ARPP21: variants seen among roughly 807,000 people sequenced by gnomAD.
The protein encoded by ARPP21 is cAMP-regulated phosphoprotein 21.
Under a neutral mutation model 113.2 loss-of-function variants are expected in ARPP21, and 69 were observed. The observed-to-expected ratio is 0.61, with a 90% CI of 0.50 to 0.74. The LOEUF (loss-of-function observed/expected upper bound fraction) is 0.74. Ranked by LOEUF, ARPP21 falls within the 30% of genes least tolerant of loss-of-function variation. ARPP21 has a pLI of 0.00. For synonymous variants in ARPP21, 368 were observed against 375.5 expected (o/e 0.98, Z 0.23); for missense variants, 1,070 against 1,037.4 (o/e 1.03, Z -0.43).
chr3:35,710,542 AACACACACACACACACACAC>A (rs3086903), intron 11 of ARPP21, among the ~76,000 whole-genome samples: 1 of 132,864 alleles, frequency 7.5e-6, no homozygotes, highest in Admixed American at 8.0e-5. Flanking sequence ...CTCTCTCTCA[AACACACACACACACACACAC>A]ACACACACAC....
At position 35,722,836 on chromosome 3, in the gene ARPP21, T is replaced by C. The variant is rs76009443; in HGVS notation, c.1225+1002T>C. 5.8e-3 allele frequency among the ~76,000 whole-genome samples: 884 copies of C among 152,312 alleles called. 10 individuals are homozygous for C. Among genetic ancestry groups the C allele is most frequent in the African/African-American group, 0.021 (861 of 41,568 alleles). On this transcript the variant is annotated intron_variant, in intron 14 of 20. Transcript: ENST00000684406. ...TCTAGCTCTTCTGTCTCCCAAAGAT[T>C]ATTCACTATTGTTTTTGATTATTTT...
At chr3:35,701,769 G>T (rs2086500867) in intron 9 of ARPP21, among the ~76,000 whole-genome samples, 1 of 151,278 alleles carries the variant, frequency 6.6e-6, no homozygotes, top group South Asian at 2.1e-4. Context: ...TGACAGGGTA[G>T]GAGTGGTTGA....
rs73059238 is a variant in ARPP21 at position 35,702,712 on chromosome 3, G to A, written c.687-4262G>A. Among the ~76,000 whole-genome samples the A allele has an allele frequency of 7.5e-3, 1,140 of 151,772 alleles. 6 individuals carry two copies. The highest frequency in any genetic ancestry group is 0.011 in the Non-Finnish European group (769 of 67,764). On this transcript the variant is annotated intron_variant, in intron 9 of 20. Transcript: ENST00000684406. ...GCTAATAAAGAACATTGGCTACTTA[G>A]CACTGCACATATTAAGTTTATAAGG...
intron 11 of ARPP21, among the ~76,000 whole-genome samples, chr3:35,710,489 A>G (rs1421106025): frequency 6.0e-5 from 9 of 151,204 alleles, no homozygotes; most frequent in African/African-American, 2.2e-4. Context: ...TTTTTTTGAA[A>G]GTTAATTCAT....
At chr3:35,711,204 A>C (rs536933098) in intron 11 of ARPP21, among the ~76,000 whole-genome samples, 1 of 152,064 alleles carries the variant, frequency 6.6e-6, no homozygotes, top group African/African-American at 2.4e-5. Flanking sequence ...TTTTAACTTG[A>C]TATCCTAGGG....
chr3:35,698,841 AAGTT>A (rs891984755), intron 9 of ARPP21, among the ~76,000 whole-genome samples: 3 of 151,660 alleles, frequency 2.0e-5, no homozygotes, highest in African/African-American at 7.2e-5. Context: ...CATCGGTACT[AAGTT>A]AGATGGTAAA....
chr3:35,654,060 G>A (rs867504709), intron 1 of ARPP21, among the ~76,000 whole-genome samples: 4 of 152,018 alleles, frequency 2.6e-5, no homozygotes, highest in Admixed American at 6.6e-5. Flanking sequence ...ATCTTAATTT[G>A]AAGCAGTGAG....
intron 19 of ARPP21, among the ~76,000 whole-genome samples, chr3:35,757,362 C>G (rs770033746): frequency 6.6e-6 from 1 of 152,008 alleles, no homozygotes; most frequent in Non-Finnish European, 1.5e-5. Context: ...CACACCCAGA[C>G]CCCTTCAATG....
At chr3:35,681,179 C>G (rs953384381) in intron 2 of ARPP21, 1 of 151,770 alleles carries the variant, frequency 6.6e-6, no homozygotes. Flanking sequence ...AGGTTTATTG[C>G]CAAAATTAGA....
At chr3:35,684,968 G>A in intron 5 of ARPP21, 1 of 981,380 alleles carries the variant, frequency 1.0e-6, no homozygotes, top group East Asian at 1.1e-4. Flanking sequence ...TCTTTTTAAT[G>A]GAGATTGAAA....
At chr3:35,639,110 G>A (rs959440178), upstream of ARPP21, 3 of 152,698 alleles carry the variant, frequency 2.0e-5, no homozygotes, top group Non-Finnish European at 2.9e-5. This position sits in a 1 kb window ranked among gnomAD's most constrained non-coding sequence, Gnocchi z 5.0. Flanking sequence ...GGTGTGGCGG[G>A]GCAGGGGGCA....
intron 5 of ARPP21, 21 bp from the exon 6 acceptor site, chr3:35,687,718 A>G: frequency 6.3e-7 from 1 of 1,592,458 alleles, no homozygotes; most frequent in Non-Finnish European, 8.5e-7. Flanking sequence ...GCCCTAAATT[A>G]TTATATTTTT....
chr3:35,716,780 A>G (rs1165453853), intron 12 of ARPP21, among the ~76,000 whole-genome samples: 1 of 151,912 alleles, frequency 6.6e-6, no homozygotes, highest in Non-Finnish European at 1.5e-5. Flanking sequence ...AGTGTCCCTT[A>G]TATTATGTTG....
intron 13 of ARPP21, among the ~76,000 whole-genome samples, chr3:35,718,833 G>T (rs1228178492): frequency 1.3e-5 from 2 of 148,958 alleles, no homozygotes; most frequent in African/African-American, 5.0e-5. Flanking sequence ...AGAGGGCCCA[G>T]CTCCAATGAC....
At chr3:35,691,957 A>T (rs2082363178) in intron 9 of ARPP21, among the ~76,000 whole-genome samples, 1 of 151,508 alleles carries the variant, frequency 6.6e-6, no homozygotes, top group African/African-American at 2.4e-5. Flanking sequence ...TGCTCACCAG[A>T]GGTTGGGACA....
intron 3 of ARPP21, chr3:35,682,606 C>G (rs1439931072): frequency 4.9e-6 from 2 of 410,362 alleles, no homozygotes; most frequent in Non-Finnish European, 8.6e-6. Flanking sequence ...TTCCTTGTCC[C>G]CTTTCCAATA....
intron 1 of ARPP21, among the ~76,000 whole-genome samples, chr3:35,669,504 G>A (rs1423032629): frequency 6.6e-6 from 1 of 152,090 alleles, no homozygotes; most frequent in African/African-American, 2.4e-5. Context: ...TAGTTTGGAT[G>A]TACACTCTTT....
intron 19 of ARPP21, among the ~76,000 whole-genome samples, chr3:35,787,486 G>T (rs2096656958): frequency 6.6e-6 from 1 of 152,176 alleles, no homozygotes; most frequent in Admixed American, 6.5e-5. Context: ...TGAAGTAAAT[G>T]AAGGGACAAG....
chr3:35,690,673 T>A (rs1053855171), intron 8 of ARPP21, among the ~76,000 whole-genome samples, 192 bp from the exon 9 acceptor site: 2 of 151,690 alleles, frequency 1.3e-5, no homozygotes, highest in Admixed American at 1.3e-4. Flanking sequence ...AAGATGTTTA[T>A]TGTGGCTTAA....
Sources: allele counts gnomAD v4.1 joint callset (sites outside exome capture counted in the v4.1 genomes callset), GRCh38; gene constraint gnomAD v4.1.1; non-coding constraint Gnocchi (gnomAD v3.1); transcripts MANE v1.5; gene names NCBI Gene and HGNC (gene_info 2026-07-23, HGNC 2026-07-21).